CNTNAP5: variants seen among roughly 807,000 people sequenced by gnomAD.
The protein encoded by CNTNAP5 is contactin-associated protein-like 5.
A neutral mutation model predicts 150.2 loss-of-function variants in CNTNAP5; 72 were observed. The observed-to-expected ratio is 0.48, with a 90% CI of 0.40 to 0.58. The LOEUF (loss-of-function observed/expected upper bound fraction) is 0.58. Ranked by LOEUF, CNTNAP5 falls within the 20% of genes least tolerant of loss-of-function variation. CNTNAP5 has a pLI of 0.00. For synonymous variants in CNTNAP5, 672 were observed against 619.8 expected, an observed-to-expected ratio of 1.08 and a Z score of -1.25; for missense variants, 1,636 against 1,626.2, an observed-to-expected ratio of 1.01 and a Z score of -0.10.
intron 21 of CNTNAP5, among the ~76,000 whole-genome samples, 191 bp downstream of exon 21, chr2:124,869,953 T>A (rs1677710995): frequency 6.6e-6 from 1 of 152,160 alleles, no homozygotes; most frequent in African/African-American, 2.4e-5. Context: ...TGCATTTCTA[T>A]CTACTTTATA....
At chr2:124,859,087 A>C (rs1298314372) in intron 19 of CNTNAP5, among the ~76,000 whole-genome samples, 1 of 152,046 alleles carries the variant, frequency 6.6e-6, no homozygotes, top group Non-Finnish European at 1.5e-5. Flanking sequence ...GAGCTTCTGC[A>C]CAGCAAAAGA....
chr2:124,251,949 C>T (rs1687189534), intron 3 of CNTNAP5, among the ~76,000 whole-genome samples: 1 of 152,184 alleles, frequency 6.6e-6, no homozygotes, highest in Non-Finnish European at 1.5e-5. Flanking sequence ...TACGTGTAAA[C>T]AGCTCAGCTG....
In CNTNAP5 at chr2:124,865,316, G is replaced by C. The variant is rs1424405807; in HGVS notation, c.3228G>C (p.Gln1076His). ...VVLLCKNGSL[Q>H]VRYHLNKEET... is the part of the protein sequence containing the mutation. ...TATTTTTCTTTCAAGGAAGCTTACA[G>C]GTTCGCTATCACCTAAACAAGGAAG... Residue 1076 changes from glutamine to histidine, a missense_variant, in exon 20 of 24, where the codon CAG becomes CAC. Transcript: ENST00000682447. 6.4e-7 allele frequency: 1 copy of C among 1,562,310 alleles called. No individual in the cohort carries two copies. Among genetic ancestry groups the C allele is most frequent in the Non-Finnish European group, 8.7e-7 (1 of 1,151,936 alleles).
At chr2:124,704,038 G>T (rs1317119077) in intron 13 of CNTNAP5, among the ~76,000 whole-genome samples, 1 of 152,196 alleles carries the variant, frequency 6.6e-6, no homozygotes, top group Non-Finnish European at 1.5e-5. Context: ...GAACAGCATT[G>T]CCTATTAGGC....
At chr2:124,422,655 C>G (rs147529164) in intron 4 of CNTNAP5, among the ~76,000 whole-genome samples, 17 of 152,234 alleles carry the variant, frequency 1.1e-4, no homozygotes, top group South Asian at 2.1e-4. Context: ...TTTTTATTCA[C>G]AAAATCAAAG....
intron 8 of CNTNAP5, among the ~76,000 whole-genome samples, chr2:124,505,124 A>G (rs2104864388): frequency 6.6e-6 from 1 of 152,312 alleles, no homozygotes; most frequent in African/African-American, 2.4e-5. Context: ...AAAGATGGGA[A>G]TAAGAATTCT....
At chr2:124,052,434 G>C (rs529811609) in intron 1 of CNTNAP5, among the ~76,000 whole-genome samples, 23 of 152,318 alleles carry the variant, frequency 1.5e-4, no homozygotes, top group African/African-American at 5.3e-4. Context: ...AGGAATGAGA[G>C]GCAGCCTGGA....
intron 3 of CNTNAP5, among the ~76,000 whole-genome samples, chr2:124,279,194 T>C (rs1687956685): frequency 6.6e-6 from 1 of 151,938 alleles, no homozygotes; most frequent in South Asian, 2.1e-4. Context: ...AGTCTGTGAT[T>C]TATCTATATT....
intron 18 of CNTNAP5, among the ~76,000 whole-genome samples, chr2:124,794,337 C>T (rs748120610): frequency 2.6e-5 from 4 of 152,166 alleles, no homozygotes; most frequent in East Asian, 1.9e-4. Context: ...ATGTGGGAAG[C>T]GCAGGACTCT....
intron 1 of CNTNAP5, among the ~76,000 whole-genome samples, chr2:124,158,875 G>A (rs140713071): frequency 1.4e-4 from 22 of 152,282 alleles, no homozygotes; most frequent in Non-Finnish European, 2.5e-4. Flanking sequence ...GTGTGCTAAA[G>A]GTACAAGGCT....
intron 3 of CNTNAP5, among the ~76,000 whole-genome samples, chr2:124,391,102 A>G (rs1691098590): frequency 6.6e-6 from 1 of 152,192 alleles, no homozygotes. Flanking sequence ...TTTGAACTCC[A>G]TGGATCTATA....
At chr2:124,401,977 G>A (rs774668517) in intron 3 of CNTNAP5, among the ~76,000 whole-genome samples, 2 of 152,142 alleles carry the variant, frequency 1.3e-5, no homozygotes, top group African/African-American at 2.4e-5. Flanking sequence ...AACTTCTGCT[G>A]ACAAGTTCTA....
intron 22 of CNTNAP5, among the ~76,000 whole-genome samples, chr2:124,906,380 C>T (rs1012902878): frequency 6.6e-6 from 1 of 152,080 alleles, no homozygotes; most frequent in African/African-American, 2.4e-5. Context: ...TTTGATAAAG[C>T]TCCCATTTTA....
chr2:124,476,708 T>A (rs753661001), intron 7 of CNTNAP5, among the ~76,000 whole-genome samples: 2 of 152,110 alleles, frequency 1.3e-5, no homozygotes, highest in Admixed American at 6.6e-5. Flanking sequence ...TCTTCCCATA[T>A]ACCACCCTGG....
intron 3 of CNTNAP5, among the ~76,000 whole-genome samples, chr2:124,260,808 A>G (rs1193002145): frequency 6.6e-6 from 1 of 152,190 alleles, no homozygotes; most frequent in East Asian, 1.9e-4. Context: ...ATACCATCCA[A>G]TGCAAAATAT....
At chr2:124,857,674 GA>G (rs11339603) in intron 19 of CNTNAP5, among the ~76,000 whole-genome samples, 14,530 of 149,744 alleles carry the variant, frequency 0.097, 2,004 homozygotes, top group African/African-American at 0.31. Context: ...AAAAAAAAAA[GA>G]AAAAAAAATG....
At chr2:124,613,726 C>T (rs768741540) in intron 12 of CNTNAP5, among the ~76,000 whole-genome samples, 6 of 152,176 alleles carry the variant, frequency 3.9e-5, no homozygotes, top group Non-Finnish European at 5.9e-5. Flanking sequence ...TAAGTCTGTG[C>T]ATCTCACCTG....
chr2:124,585,669 C>CTTTTTTTT lies in CNTNAP5; in HGVS notation c.1756+22363_1756+22370dup, dbSNP rs33978614. Among the ~76,000 whole-genome samples the CTTTTTTTT allele has an allele frequency of 8.1e-4, 54 of 66,388 alleles. 1 individual carries two copies. The highest frequency in any genetic ancestry group is 1.5e-3 in the South Asian group (2 of 1,328). 43.6% of individuals were successfully genotyped at this position (66,388 alleles called of 152,430 possible). A position where few individuals can be genotyped will look rare whatever the true frequency, so the allele number is the denominator to read the frequency against. On this transcript the variant is annotated intron_variant, in intron 11 of 23. Coordinates refer to ENST00000682447, the MANE Select transcript of CNTNAP5 (RefSeq NM_001367498.1). ...ACAGTGAGTCAGGGAGAGCTTGAAG[C>CTTTTTTTT]TTTTTTTTTTTTTTTTTTTTTTTTG... is the stretch of plus-strand genomic sequence containing the variant.
chr2:124,805,840 G>A (rs190916900), intron 19 of CNTNAP5, among the ~76,000 whole-genome samples: 6 of 152,182 alleles, frequency 3.9e-5, no homozygotes, highest in South Asian at 2.1e-4. Context: ...ATCTTTCCTC[G>A]TGAATGAGGA....
Sources: allele counts gnomAD v4.1 joint callset (sites outside exome capture counted in the v4.1 genomes callset), GRCh38; gene constraint gnomAD v4.1.1; transcripts MANE v1.5; gene names NCBI Gene and HGNC (gene_info 2026-07-23, HGNC 2026-07-21).